RANBP17: variants seen among roughly 807,000 people sequenced by gnomAD.
The protein encoded by RANBP17 is RAN binding protein 17.
A neutral mutation model predicts 141.2 loss-of-function variants in RANBP17; 158 were observed. The ratio of observed to expected loss-of-function variants is 1.12; its 90% confidence interval spans 0.98 to 1.28. The LOEUF is 1.28. Among genes scored for constraint, RANBP17 ranks in the 50% most tolerant of loss-of-function variants. RANBP17 has a pLI of 0.00. For synonymous variants in RANBP17, 430 were observed against 450.0 expected (o/e 0.96, Z 0.56); for missense variants, 1,438 against 1,290.7 (o/e 1.11, Z -1.75).
At chr5:171,235,073 A>G (rs566636704) in intron 22 of RANBP17, among the ~76,000 whole-genome samples, 1 of 152,310 alleles carries the variant, frequency 6.6e-6, no homozygotes, top group South Asian at 2.1e-4. Context: ...AACACTGAAG[A>G]AAATCGAGAG....
At chr5:171,207,849 GTTATA>G (rs1762667791) in intron 20 of RANBP17, 2 of 152,182 alleles carry the variant, frequency 1.3e-5, no homozygotes, top group East Asian at 1.9e-4. Flanking sequence ...TTGTTTAAAA[GTTATA>G]TTATTTGATA....
chr5:170,896,402 A>G (rs1229665766), intron 5 of RANBP17, among the ~76,000 whole-genome samples: 1 of 152,244 alleles, frequency 6.6e-6, no homozygotes, highest in African/African-American at 2.4e-5. Flanking sequence ...TTTACCTCAT[A>G]TATGTCATAA....
At chr5:171,227,873 G>A (rs779071413) in intron 22 of RANBP17, among the ~76,000 whole-genome samples, 8 of 152,080 alleles carry the variant, frequency 5.3e-5, no homozygotes, top group East Asian at 1.9e-4. Flanking sequence ...ACTGGATGAC[G>A]GCACATCTGT....
At chr5:170,903,632 A>T (rs1215662458) in intron 5 of RANBP17, 2 of 258,020 alleles carry the variant, frequency 7.8e-6, no homozygotes, top group African/African-American at 2.3e-5. Flanking sequence ...ACTTGACCTC[A>T]TAATGGCATC....
chr5:171,037,097 A>G (rs1781930944), intron 14 of RANBP17, among the ~76,000 whole-genome samples: 1 of 151,922 alleles, frequency 6.6e-6, no homozygotes, highest in Non-Finnish European at 1.5e-5. Flanking sequence ...CTTTGCCAGC[A>G]TCTATTGTTT....
chr5:171,034,502 C>G (rs1465643444), intron 14 of RANBP17, among the ~76,000 whole-genome samples: 1 of 152,192 alleles, frequency 6.6e-6, no homozygotes, highest in Admixed American at 6.5e-5. Flanking sequence ...ATGCCCCAGC[C>G]AACTCTACCT....
intron 12 of RANBP17, among the ~76,000 whole-genome samples, chr5:170,934,096 T>G (rs560850013): frequency 2.0e-4 from 31 of 152,346 alleles, no homozygotes; most frequent in Middle Eastern, 6.8e-3. Context: ...ATCTGGGTGC[T>G]CCTGTATTGG....
intron 9 of RANBP17, among the ~76,000 whole-genome samples, chr5:170,917,674 GT>G (rs1483821432): frequency 1.3e-5 from 2 of 151,996 alleles, no homozygotes; most frequent in African/African-American, 4.8e-5. Context: ...GAAATTTTCT[GT>G]TTTGCTGATA....
chr5:170,954,545 C>CACACACA (rs70982314), intron 13 of RANBP17, among the ~76,000 whole-genome samples: 1 of 138,614 alleles, frequency 7.2e-6, no homozygotes, highest in South Asian at 2.3e-4. Context: ...CACACACACA[C>CACACACA]CCCAACCCCA....
chr5:171,130,593 T>A (rs1016930783), intron 14 of RANBP17, among the ~76,000 whole-genome samples: 8 of 151,888 alleles, frequency 5.3e-5, no homozygotes, highest in Non-Finnish European at 1.0e-4. Flanking sequence ...TGCGCCACCA[T>A]GCCTGGCTAA....
At position 170,953,714 on chromosome 5, in the gene RANBP17, CTATG is replaced by C. The variant is rs750541923; in HGVS notation, c.1574+15_1574+18del. 2.4e-5 allele frequency: 36 copies of C among 1,512,474 alleles called. No homozygotes were observed. In the African/African-American group the frequency reaches 2.7e-4, roughly 12 times the overall value. 93.7% of individuals were successfully genotyped at this position (1,512,474 alleles called of 1,614,324 possible). ...GAATTATCCTGTCGGTAAGTAAGAG[CTATG>C]TAATTTACTGAAATTCACTAAATAG... On this transcript the variant is annotated intron_variant, in intron 13 of 27. Coordinates refer to ENST00000523189, the MANE Select transcript of RANBP17 (RefSeq NM_022897.5).
rs760521280 is a variant in RANBP17, at chr5:171,298,747, T to A, written c.3171-15T>A. ...CCTCATTACTACCCTTGACCCTTTCTTCCTCTTTCTGCAGGTTCACCCAAA... is the reference window on the plus strand; with the variant it reads ...CCTCATTACTACCCTTGACCCTTTCATCCTCTTTCTGCAGGTTCACCCAAA... On this transcript the variant is annotated splice_polypyrimidine_tract_variant and intron_variant, in intron 27 of 27. Transcript: ENST00000523189. 3.1e-6 allele frequency: 5 copies of A among 1,606,654 alleles called. No homozygotes were observed. In the African/African-American group the frequency reaches 6.7e-5, roughly 21 times the overall value.
At chr5:171,101,849 A>G (rs1477144673) in intron 14 of RANBP17, among the ~76,000 whole-genome samples, 4 of 152,156 alleles carry the variant, frequency 2.6e-5, no homozygotes, top group East Asian at 1.9e-4. Context: ...TCCTTTACTT[A>G]TGAAGCTTAG....
At chr5:171,282,500 T>C (rs971125739) in intron 25 of RANBP17, among the ~76,000 whole-genome samples, 1 of 151,124 alleles carries the variant, frequency 6.6e-6, no homozygotes, top group East Asian at 1.9e-4. Context: ...TTGTTGTTGT[T>C]AGATGGAGTT....
intron 14 of RANBP17, among the ~76,000 whole-genome samples, chr5:170,995,056 T>C (rs1177845889): frequency 6.6e-6 from 1 of 152,118 alleles, no homozygotes; most frequent in Admixed American, 6.6e-5. Flanking sequence ...CTGGTGTATA[T>C]TCAGATGTCT....
At chr5:171,007,319 G>C (rs1006845467) in intron 14 of RANBP17, among the ~76,000 whole-genome samples, 29 of 152,116 alleles carry the variant, frequency 1.9e-4, no homozygotes, top group Non-Finnish European at 3.5e-4. Context: ...GGCAGTGGGG[G>C]AGAGCTAGTT....
chr5:171,039,866 A>G (rs930618204), intron 14 of RANBP17, among the ~76,000 whole-genome samples: 3 of 152,170 alleles, frequency 2.0e-5, no homozygotes, highest in African/African-American at 7.2e-5. Context: ...GACATTTGAA[A>G]TTGAATCAGT....
chr5:171,129,268 T>C (rs78763051), intron 14 of RANBP17, among the ~76,000 whole-genome samples: 1,997 of 152,338 alleles, frequency 0.013, 47 homozygotes, highest in African/African-American at 0.045. Flanking sequence ...AATTACAGTG[T>C]AGATCAGTAG....
intron 26 of RANBP17, among the ~76,000 whole-genome samples, chr5:171,295,007 G>T (rs1409571557): frequency 6.6e-6 from 1 of 152,156 alleles, no homozygotes; most frequent in African/African-American, 2.4e-5. Flanking sequence ...AGACATTGTG[G>T]TTTAAGTATA....
Sources: allele counts gnomAD v4.1 joint callset (sites outside exome capture counted in the v4.1 genomes callset), GRCh38; gene constraint gnomAD v4.1.1; transcripts MANE v1.5; gene names NCBI Gene and HGNC (gene_info 2026-07-23, HGNC 2026-07-21).